The following USP6NL variants were observed in gnomAD, a reference collection of about 807,000 sequenced individuals.
The protein encoded by USP6NL is USP6 N-terminal like, also known as USP6 N-terminal-like protein.
In USP6NL, 26 loss-of-function variants were observed where a neutral mutation model predicts 61.9. The observed-to-expected ratio is 0.42, with a 90% CI of 0.31 to 0.58. The LOEUF is 0.58. Ranked by LOEUF, USP6NL falls within the 20% of genes least tolerant of loss-of-function variation. USP6NL has a pLI of 0.16. For missense variants in USP6NL, 1,114 were observed against 1,034.3 expected (o/e 1.08, Z -1.06); for synonymous variants, 432 against 390.1 (o/e 1.11, Z -1.27).
Position 11,552,496 on chromosome 10 carries a change from T to C in USP6NL, c.5-24929A>G, listed in dbSNP as rs547535816. Among the ~76,000 whole-genome samples, 6 of 152,366 alleles carry C rather than the reference T, an allele frequency of 3.9e-5. 1 individual carries two copies. In the East Asian group the frequency reaches 7.7e-4, roughly 20 times the overall value. On this transcript the variant is annotated intron_variant, in intron 2 of 14. Coordinates refer to ENST00000609104, the MANE Select transcript of USP6NL (RefSeq NM_014688.5). ...AACAATTGATAAGTGGTTTTAAGAT[T>C]AGTCCTTGAAATCCTGCCTACGGAT...
chr10:11,464,243 C>T (rs556312342), intron 14 of USP6NL, among the ~76,000 whole-genome samples: 2 of 152,270 alleles, frequency 1.3e-5, no homozygotes, highest in African/African-American at 2.4e-5. Flanking sequence ...ATACTAGAGG[C>T]TTTTCAGCAG....
intron 2 of USP6NL, among the ~76,000 whole-genome samples, chr10:11,583,761 C>G (rs1837870543): frequency 6.6e-6 from 1 of 152,202 alleles, no homozygotes; most frequent in Non-Finnish European, 1.5e-5. Flanking sequence ...GGCACAGTGA[C>G]TCATGCCTGT....
Position 11,463,765 on chromosome 10 carries a change from C to T in USP6NL, c.1163G>A (p.Gly388Glu). 1.9e-6 allele frequency: 3 copies of T among 1,562,932 alleles called. No individual in the cohort carries two copies. Among genetic ancestry groups the T allele is most frequent in the Non-Finnish European group, 2.6e-6 (3 of 1,154,324 alleles). ...GCTCGGCCGGCCCACGCTCCTCTGT[C>T]CGTTGCTCAAGTGATGGACGCCCCA... ...QSWGVHHLSN[G>E]QRSVGRPSPL... is the part of the protein sequence containing the mutation. Residue 388 changes from glycine (G) to glutamate (E), a missense_variant, in exon 15 of 15, where the codon GGA becomes GAA. By Grantham distance (98) the Gly-to-Glu change is moderately conservative. Transcript: ENST00000609104. The surrounding 1 kb of genome is among the most constrained non-coding windows in gnomAD (Gnocchi z 6.3).
Position 11,461,135 on chromosome 10 carries a change from C to T in USP6NL, c.*1306G>A, listed in dbSNP as rs1431742542. ...TATAAGCAATGTTGAAAACAAGCTCCCCAATTAAACACGAAGTCATACTCT... is the reference window on the plus strand; with the variant it reads ...TATAAGCAATGTTGAAAACAAGCTCTCCAATTAAACACGAAGTCATACTCT... On this transcript the variant is annotated 3_prime_UTR_variant, in exon 15 of 15. Transcript: ENST00000609104. 6.6e-6 allele frequency: 1 copy of T among 152,514 alleles called. No individual in the cohort carries two copies. 9.4% of individuals were successfully genotyped at this position (152,514 alleles called of 1,614,324 possible). A position where few individuals can be genotyped will look rare whatever the true frequency, so the allele number is the denominator to read the frequency against.
rs1357620094 is a variant in USP6NL, at chr10:11,501,006, A to G, written c.384+95T>C. ...GCGATAGAATTTTAATATAATTTTA[A>G]GTGATCATATGAATATCTTATGTCA... On this transcript the variant is annotated intron_variant, in intron 7 of 14. Coordinates refer to ENST00000609104, the MANE Select transcript of USP6NL (RefSeq NM_014688.5). 5.3e-6 allele frequency: 5 copies of G among 934,654 alleles called. No homozygotes were observed. The East Asian group carries it at 1.4e-4, about 26-fold the overall frequency. 57.9% of individuals were successfully genotyped at this position (934,654 alleles called of 1,614,324 possible).
chr10:11,496,198 C>T lies in USP6NL; in HGVS notation c.385-2970G>A, dbSNP rs1833917179. Among the ~76,000 whole-genome samples the T allele has an allele frequency of 6.6e-6, 1 of 152,236 alleles. No individual in the cohort carries two copies. Among genetic ancestry groups the T allele is most frequent in the African/African-American group, 2.4e-5 (1 of 41,462 alleles). On this transcript the variant is annotated intron_variant, in intron 7 of 14. Coordinates refer to ENST00000609104, the MANE Select transcript of USP6NL (RefSeq NM_014688.5). This position sits in a 1 kb window ranked among gnomAD's most constrained non-coding sequence, Gnocchi z 5.4. ...TGTTTCATCCTCGCCAAATAACAAA[C>T]CTCCAGTCTTGGGCTAGCACTGAGG...
chr10:11,547,685 C>T (rs1413953253), intron 2 of USP6NL, among the ~76,000 whole-genome samples: 1 of 152,114 alleles, frequency 6.6e-6, no homozygotes, highest in African/African-American at 2.4e-5. Flanking sequence ...GGACTACAGG[C>T]ATCCGCCATC....
At position 11,513,475 on chromosome 10, in the gene USP6NL, T is replaced by G. The variant is rs1307531552; in HGVS notation, c.196-3800A>C. ...ACACAAACATCTTAGTTCTCTCAAT[T>G]TGTATTTTGAAATATTTCAAACCTA... On this transcript the variant is annotated intron_variant, in intron 5 of 14. Transcript: ENST00000609104. This position sits in a 1 kb window ranked among gnomAD's most constrained non-coding sequence, Gnocchi z 4.7. Among the ~76,000 whole-genome samples, 1 of 152,226 alleles carries G rather than the reference T, an allele frequency of 6.6e-6. No individual in the cohort carries two copies. The highest frequency in any genetic ancestry group is 1.5e-5 in the Non-Finnish European group (1 of 68,030).
At position 11,602,458 on chromosome 10, in the gene USP6NL, C is replaced by T. The variant is rs975331330; in HGVS notation, c.-83-4741G>A. 1.3e-5 allele frequency among the ~76,000 whole-genome samples: 2 copies of T among 151,830 alleles called. No individual in the cohort carries two copies. Among genetic ancestry groups the T allele is most frequent in the Non-Finnish European group, 2.9e-5 (2 of 67,984 alleles). ...TACTATTCATTCATTCAGTATTTACCGAGTAGCTATTATGAGCCAGGCAGT... is the reference window on the plus strand; with the variant it reads ...TACTATTCATTCATTCAGTATTTACTGAGTAGCTATTATGAGCCAGGCAGT... On this transcript the variant is annotated intron_variant, in intron 1 of 14. Transcript: ENST00000609104. This position sits in a 1 kb window ranked among gnomAD's most constrained non-coding sequence, Gnocchi z 4.8.
At position 11,562,805 on chromosome 10, in the gene USP6NL, G is replaced by A. The variant is rs1422521074; in HGVS notation, c.4+34826C>T. On this transcript the variant is annotated intron_variant, in intron 2 of 14. Coordinates refer to ENST00000609104, the MANE Select transcript of USP6NL (RefSeq NM_014688.5). This position sits in a 1 kb window ranked among gnomAD's most constrained non-coding sequence, Gnocchi z 4.8. Reference sequence around the variant, plus strand: ...ATTTCTCAGTATTCTAGTTTTATTAGGCATTAGTAAATAAGTTTTAGAAGA... The same window carrying A: ...ATTTCTCAGTATTCTAGTTTTATTAAGCATTAGTAAATAAGTTTTAGAAGA... The A allele has an allele frequency of 6.1e-6, 6 of 982,694 alleles. No homozygotes were observed. The highest frequency in any genetic ancestry group is 7.2e-6 in the Non-Finnish European group (6 of 827,706). The allele number at this position is 982,694 out of a possible 1,614,324, so 60.9% of individuals were successfully genotyped here.
chr10:11,476,234 G>A lies in USP6NL; in HGVS notation c.1078+5536C>T, dbSNP rs1832963132. On this transcript the variant is annotated intron_variant, in intron 14 of 14. Coordinates refer to ENST00000609104, the MANE Select transcript of USP6NL (RefSeq NM_014688.5). This position sits in a 1 kb window ranked among gnomAD's most constrained non-coding sequence, Gnocchi z 4.3. ...TTCCCACATGGAGCTGGCCTGAGAT[G>A]ATGCTGAGGAGTCACACTGTAGTCA... Among the ~76,000 whole-genome samples the A allele has an allele frequency of 2.6e-5, 4 of 152,200 alleles. No individual in the cohort carries two copies. In the South Asian group the frequency reaches 8.3e-4, roughly 32 times the overall value.
rs1474758236 is a variant in USP6NL at position 11,600,561 on chromosome 10, T to A, written c.-83-2844A>T. ...ATACAGACAGTAAAGATAGTAATTTTAAATTCAAATTTAAAAATTTTCTAG... is the reference window on the plus strand; with the variant it reads ...ATACAGACAGTAAAGATAGTAATTTAAAATTCAAATTTAAAAATTTTCTAG... On this transcript the variant is annotated intron_variant, in intron 1 of 14. Coordinates refer to ENST00000609104, the MANE Select transcript of USP6NL (RefSeq NM_014688.5). The surrounding 1 kb of genome is among the most constrained non-coding windows in gnomAD (Gnocchi z 4.1). Among the ~76,000 whole-genome samples, 1 of 152,252 alleles carries A rather than the reference T, an allele frequency of 6.6e-6. No homozygotes were observed. The highest frequency in any genetic ancestry group is 2.4e-5 in the African/African-American group (1 of 41,466).
At position 11,465,579 on chromosome 10, in the gene USP6NL, A is replaced by G. The variant is rs1832414841; in HGVS notation, c.1079-1730T>C. Among the ~76,000 whole-genome samples, 1 of 152,164 alleles carries G rather than the reference A, an allele frequency of 6.6e-6. No individual in the cohort carries two copies. Among genetic ancestry groups the G allele is most frequent in the Non-Finnish European group, 1.5e-5 (1 of 68,042 alleles). On this transcript the variant is annotated intron_variant, in intron 14 of 14. Transcript: ENST00000609104. The surrounding 1 kb of genome is among the most constrained non-coding windows in gnomAD (Gnocchi z 4.5). ...AAACAAACAAAACCAAAAAAGGAATAGATTTCCAGCTGGTCTGCTGCTGCT... is the reference window on the plus strand; with the variant it reads ...AAACAAACAAAACCAAAAAAGGAATGGATTTCCAGCTGGTCTGCTGCTGCT...
chr10:11,587,267 G>A lies in USP6NL; in HGVS notation c.4+10364C>T, dbSNP rs574198829. Among the ~76,000 whole-genome samples, 1 of 151,968 alleles carries A rather than the reference G, an allele frequency of 6.6e-6. No homozygotes were observed. Among genetic ancestry groups the A allele is most frequent in the African/African-American group, 2.4e-5 (1 of 41,460 alleles). On this transcript the variant is annotated intron_variant, in intron 2 of 14. Coordinates refer to ENST00000609104, the MANE Select transcript of USP6NL (RefSeq NM_014688.5). This position sits in a 1 kb window ranked among gnomAD's most constrained non-coding sequence, Gnocchi z 4.5. ...CTCCCTTAAAACTTGTTTTAAAATCGAAGATTCAAACACCATGACCCCTAA... is the reference window on the plus strand; with the variant it reads ...CTCCCTTAAAACTTGTTTTAAAATCAAAGATTCAAACACCATGACCCCTAA...
In USP6NL at chr10:11,532,798, G is replaced by A. The variant is rs1049905280; in HGVS notation, c.5-5231C>T. On this transcript the variant is annotated intron_variant, in intron 2 of 14. Coordinates refer to ENST00000609104, the MANE Select transcript of USP6NL (RefSeq NM_014688.5). This position sits in a 1 kb window ranked among gnomAD's most constrained non-coding sequence, Gnocchi z 4.1. ...AAAATTGTAGCCTCTGTTTCAGCCC[G>A]TTTCAGACAGGAAGCAAAATACATG... Among the ~76,000 whole-genome samples, 13 of 152,070 alleles carry A rather than the reference G, an allele frequency of 8.5e-5. No homozygotes were observed. Among genetic ancestry groups the A allele is most frequent in the African/African-American group, 2.4e-4 (10 of 41,390 alleles).
rs1210358213 is a variant in USP6NL at position 11,597,654 on chromosome 10, T to C, written c.-20A>G. Reference sequence around the variant, plus strand: ...ACTCATGACTGGAAATGGGTCTGAATGTTGTCCCAATCAGATATTAAACCA... The same window carrying C: ...ACTCATGACTGGAAATGGGTCTGAACGTTGTCCCAATCAGATATTAAACCA... On this transcript the variant is annotated 5_prime_UTR_variant, in exon 2 of 15. Transcript: ENST00000609104. The surrounding 1 kb of genome is among the most constrained non-coding windows in gnomAD (Gnocchi z 4.6). 3 of 1,551,308 alleles carry C rather than the reference T, an allele frequency of 1.9e-6. No homozygotes were observed. The South Asian group carries it at 3.6e-5, about 18-fold the overall frequency.
chr10:11,569,039 T>A (rs1837266994), intron 2 of USP6NL, among the ~76,000 whole-genome samples: 1 of 152,252 alleles, frequency 6.6e-6, no homozygotes, highest in Non-Finnish European at 1.5e-5. Context: ...ATTAAATAAT[T>A]CTTGTCATAG....
In USP6NL at chr10:11,474,811, T is replaced by C. The variant is rs1460335414; in HGVS notation, c.1078+6959A>G. On this transcript the variant is annotated intron_variant, in intron 14 of 14. Coordinates refer to ENST00000609104, the MANE Select transcript of USP6NL (RefSeq NM_014688.5). The surrounding 1 kb of genome is among the most constrained non-coding windows in gnomAD (Gnocchi z 4.9). ...TAGCAAAAAATCTATCATAGAAGAC[T>C]CAGTTTGCTGTTATCATTACTACTA... 6.6e-6 allele frequency among the ~76,000 whole-genome samples: 1 copy of C among 152,170 alleles called. No individual in the cohort carries two copies. The highest frequency in any genetic ancestry group is 1.5e-5 in the Non-Finnish European group (1 of 68,032).
In USP6NL at chr10:11,596,814, C is replaced by T. The variant is rs1414898949; in HGVS notation, c.4+817G>A. ...CAGCAGCGTCATTTTCACTTATCTA[C>T]TGCCTAATTATTTGAACTGATGATG... is the stretch of plus-strand genomic sequence containing the variant. On this transcript the variant is annotated intron_variant, in intron 2 of 14. Coordinates refer to ENST00000609104, the MANE Select transcript of USP6NL (RefSeq NM_014688.5). This position sits in a 1 kb window ranked among gnomAD's most constrained non-coding sequence, Gnocchi z 4.1. 6.6e-6 allele frequency among the ~76,000 whole-genome samples: 1 copy of T among 152,080 alleles called. No homozygotes were observed. Among genetic ancestry groups the T allele is most frequent in the Non-Finnish European group, 1.5e-5 (1 of 68,028 alleles).
Sources: allele counts gnomAD v4.1 joint callset (sites outside exome capture counted in the v4.1 genomes callset), GRCh38; gene constraint gnomAD v4.1.1; non-coding constraint Gnocchi (gnomAD v3.1); transcripts MANE v1.5; gene names NCBI Gene and HGNC (gene_info 2026-07-23, HGNC 2026-07-21).